Variants in ROBO2 observed in about 807,000 individuals in gnomAD.
ROBO2 encodes roundabout homolog 2.
ROBO2 carries 53 observed loss-of-function variants against 160.8 expected under a neutral mutation model. The ratio of observed to expected loss-of-function variants is 0.33; its 90% CI spans 0.26 to 0.41. The LOEUF (loss-of-function observed/expected upper bound fraction) is 0.41, where lower values mean the gene tolerates loss of function less well. ROBO2 is among the 10% of genes least tolerant of loss of function. The pLI, the probability that ROBO2 is intolerant of heterozygous loss-of-function variation, is 1.00. For missense variants in ROBO2, 1,577 were observed against 1,722.4 expected (o/e 0.92, Z 1.49); for synonymous variants, 664 against 611.7 (o/e 1.09, Z -1.26).
chr3:76,843,745 T>G (rs1463080237), intron 2 of ROBO2, among the ~76,000 whole-genome samples: 1 of 151,958 alleles, frequency 6.6e-6, no homozygotes, highest in Non-Finnish European at 1.5e-5. Context: ...AATTCTGCAT[T>G]TTTACAAGAT....
intron 2 of ROBO2, among the ~76,000 whole-genome samples, chr3:76,521,710 T>C (rs2081627029): frequency 6.6e-6 from 1 of 152,186 alleles, no homozygotes; most frequent in Non-Finnish European, 1.5e-5. Flanking sequence ...AACTCTAGCT[T>C]AATATATGTA....
chr3:76,589,426 G>A (rs978308929), intron 2 of ROBO2, among the ~76,000 whole-genome samples: 3 of 151,916 alleles, frequency 2.0e-5, no homozygotes, highest in African/African-American at 7.3e-5. Flanking sequence ...TCAGCCTCCC[G>A]AGTAGCTGGG....
chr3:77,397,721 G>T (rs1368962974), intron 2 of ROBO2, among the ~76,000 whole-genome samples: 4 of 151,976 alleles, frequency 2.6e-5, no homozygotes, highest in Non-Finnish European at 5.9e-5. Context: ...GCAACAAATT[G>T]GTGTATAAAT....
At chr3:76,515,015 C>A (rs2081280874) in intron 2 of ROBO2, among the ~76,000 whole-genome samples, 1 of 152,178 alleles carries the variant, frequency 6.6e-6, no homozygotes, top group African/African-American at 2.4e-5. Context: ...CCTTTTCTCT[C>A]ACTTCCCATG....
chr3:76,068,410 G>A (rs1383296338), intron 2 of ROBO2, among the ~76,000 whole-genome samples: 2 of 152,110 alleles, frequency 1.3e-5, no homozygotes, highest in East Asian at 1.9e-4. Flanking sequence ...GGCTTAATAC[G>A]AGAAAATATC....
chr3:76,513,943 A>C (rs904342601), intron 2 of ROBO2, among the ~76,000 whole-genome samples: 1 of 152,180 alleles, frequency 6.6e-6, no homozygotes, highest in South Asian at 2.1e-4. Flanking sequence ...AAATGTTAAC[A>C]ATCATTTTTT....
chr3:76,562,914 TCCTC>T (rs1399018144), intron 2 of ROBO2, among the ~76,000 whole-genome samples: 13 of 152,072 alleles, frequency 8.5e-5, no homozygotes, highest in African/African-American at 3.1e-4. Context: ...CTTCCTTCCT[TCCTC>T]CCTCCCTTTC....
At chr3:77,263,801 C>A (rs1009304695) in intron 2 of ROBO2, among the ~76,000 whole-genome samples, 1 of 152,074 alleles carries the variant, frequency 6.6e-6, no homozygotes. Flanking sequence ...TTATTTCTGT[C>A]TTTAAAGTTA....
At chr3:76,979,751 A>G (rs569436503) in intron 2 of ROBO2, among the ~76,000 whole-genome samples, 400 of 149,328 alleles carry the variant, frequency 2.7e-3, no homozygotes, top group African/African-American at 9.4e-3. Flanking sequence ...TCTTACACAC[A>G]CACACACACA....
chr3:75,932,110 G>T (rs1334882891), intron 1 of ROBO2, among the ~76,000 whole-genome samples: 10 of 152,106 alleles, frequency 6.6e-5, no homozygotes, highest in African/African-American at 2.2e-4. Context: ...GAGGGTATCA[G>T]TGTAAGCAGG....
intron 2 of ROBO2, among the ~76,000 whole-genome samples, chr3:76,426,099 C>A (rs1386939095): frequency 6.6e-6 from 1 of 152,024 alleles, no homozygotes; most frequent in East Asian, 1.9e-4. Context: ...ATAACACAGG[C>A]AGAAAGTTTC....
chr3:76,735,206 A>G (rs1256842872), intron 2 of ROBO2, among the ~76,000 whole-genome samples: 1 of 152,224 alleles, frequency 6.6e-6, no homozygotes, highest in Non-Finnish European at 1.5e-5. Flanking sequence ...CAACAGTGGA[A>G]TGGATTAAAA....
At chr3:76,440,750 G>A (rs115673846) in intron 2 of ROBO2, among the ~76,000 whole-genome samples, 432 of 152,148 alleles carry the variant, frequency 2.8e-3, no homozygotes, top group African/African-American at 0.01. Flanking sequence ...GGCCAAGTGT[G>A]CCTCCATACC....
intron 2 of ROBO2, among the ~76,000 whole-genome samples, chr3:76,243,819 A>T (rs1705450921): frequency 6.6e-6 from 1 of 152,236 alleles, no homozygotes; most frequent in South Asian, 2.1e-4. Flanking sequence ...TATGGAGATT[A>T]AAAGCTCTTT....
At chr3:77,033,235 A>T (rs1266086677) in intron 2 of ROBO2, among the ~76,000 whole-genome samples, 1 of 152,230 alleles carries the variant, frequency 6.6e-6, no homozygotes, top group Non-Finnish European at 1.5e-5. Flanking sequence ...TTAGGAAGCC[A>T]TTCATTACCC....
At chr3:76,869,274 CAT>C (rs1321012249) in intron 2 of ROBO2, among the ~76,000 whole-genome samples, 2 of 149,572 alleles carry the variant, frequency 1.3e-5, no homozygotes, top group African/African-American at 4.9e-5. Context: ...ACTTAAATAA[CAT>C]ATTTTCGCAA....
At chr3:75,948,458 G>A (rs1302182311) in intron 2 of ROBO2, among the ~76,000 whole-genome samples, 2 of 152,146 alleles carry the variant, frequency 1.3e-5, no homozygotes, top group African/African-American at 4.8e-5. Flanking sequence ...TGTATGGGAA[G>A]TCATACCCTA....
intron 2 of ROBO2, among the ~76,000 whole-genome samples, chr3:76,903,503 T>C (rs751770365): frequency 7.2e-5 from 11 of 152,204 alleles, no homozygotes; most frequent in Middle Eastern, 3.4e-3. Context: ...GTTTTTGGAG[T>C]ACCTTTCAGT....
chr3:75,959,575 G>A (rs1254231454), intron 2 of ROBO2, among the ~76,000 whole-genome samples: 12 of 151,754 alleles, frequency 7.9e-5, no homozygotes, highest in African/African-American at 2.2e-4. Flanking sequence ...TTGCTCTTCA[G>A]TATTACACTT....
Sources: gnomAD v4.1 joint callset for allele counts (sites outside exome capture counted in the v4.1 genomes callset) on GRCh38, gnomAD v4.1.1 for gene constraint, MANE v1.5 for transcripts, NCBI Gene and HGNC (gene_info 2026-07-23, HGNC 2026-07-21) for gene names.